Variants in VPS35 observed in about 807,000 individuals in gnomAD.
VPS35 encodes vacuolar protein sorting-associated protein 35.
A neutral mutation model predicts 98.1 loss-of-function variants in VPS35; 21 were observed. The observed-to-expected ratio is 0.21, with a 90% confidence interval of 0.15 to 0.31. The LOEUF (loss-of-function observed/expected upper bound fraction) is 0.31. VPS35 is among the 10% of genes least tolerant of loss of function. The probability of loss-of-function intolerance (pLI) is 1.00; values close to 1 mark genes in which losing one functional copy is unlikely to be tolerated. For missense variants in VPS35, 554 were observed against 950.8 expected, an observed-to-expected ratio of 0.58 and a Z score of 5.49; for synonymous variants, 268 against 318.2, an observed-to-expected ratio of 0.84 and a Z score of 1.68.
At chr16:46,680,508 G>A (rs1462336317) in intron 5 of VPS35, among the ~76,000 whole-genome samples, 163 bp downstream of exon 5, 1 of 152,184 alleles carries the variant, frequency 6.6e-6, no homozygotes, top group African/African-American at 2.4e-5. Flanking sequence ...CACATATACT[G>A]AGGAGTTCTA....
At position 46,669,022 on chromosome 16, in the gene VPS35, C is replaced by T; in HGVS notation, c.1555G>A (p.Ala519Thr). The T allele has an allele frequency of 6.2e-7, 1 of 1,614,118 alleles. No individual in the cohort carries two copies. The highest frequency in any genetic ancestry group is 1.1e-5 in the South Asian group (1 of 91,090). The change falls in exon 13 of 17, where the codon GCT (alanine) becomes ACT (threonine). Residue 519 changes from alanine (A) to threonine (T), a missense_variant. Coordinates refer to ENST00000299138, the MANE Select transcript of VPS35 (RefSeq NM_018206.6). ...AAGCGAATCCGCTGATTTCCACCAG[C>T]TCCAAAATGTTTTCGTGCTGTGTTC... ...ILNTARKHFG[A>T]GGNQRIRFTL... is the part of the protein sequence containing the mutation.
chr16:46,681,968 A>G, intron 3 of VPS35, 111 bp downstream of exon 3: 1 of 790,546 alleles, frequency 1.3e-6, no homozygotes, highest in African/African-American at 1.7e-5. Flanking sequence ...TGTGACTCAG[A>G]TAACGAAGAA....
chr16:46,669,276 G>T, intron 12 of VPS35: 1 of 584,134 alleles, frequency 1.7e-6, no homozygotes, highest in Non-Finnish European at 3.0e-6. Context: ...GTTTCAGAGA[G>T]GTTGTATAAC....
intron 1 of VPS35, among the ~76,000 whole-genome samples, chr16:46,683,873 C>T (rs1966272651): frequency 6.6e-6 from 1 of 152,130 alleles, no homozygotes; most frequent in Non-Finnish European, 1.5e-5. Context: ...TACAAGCGCC[C>T]ATCACCACAC....
chr16:46,674,764 AG>A, intron 8 of VPS35, 104 bp from the exon 9 acceptor site: 1 of 1,102,462 alleles, frequency 9.1e-7, no homozygotes, highest in Non-Finnish European at 1.3e-6. Context: ...ATTTTGTATG[AG>A]CCCAAAAGGT....
chr16:46,669,039 G>T lies in VPS35; in HGVS notation c.1538C>A (p.Ala513Glu). ...TCCACCAGCTCCAAAATGTTTTCGT[G>T]CTGTGTTCAAAATCTGACCCAAAAG... is the stretch of plus-strand genomic sequence containing the variant. ...PDQQYLILNT[A>E]RKHFGAGGNQ... The change falls in exon 13 of 17, where the codon GCA becomes GAA. Residue 513 changes from alanine to glutamate, a missense_variant. Ala to Glu is a moderately radical substitution (Grantham distance 107). Around this residue, in one of 5 missense-constraint regions of VPS35, gnomAD observed 254 missense variants for 390.1 expected, o/e 0.65. Coordinates refer to ENST00000299138, the MANE Select transcript of VPS35 (RefSeq NM_018206.6). The T allele has an allele frequency of 1.2e-6, 2 of 1,614,080 alleles. No homozygotes were observed. Among genetic ancestry groups the T allele is most frequent in the Non-Finnish European group, 1.7e-6 (2 of 1,180,016 alleles).
rs1965860139 is a variant in VPS35, at chr16:46,658,304, T to G, written c.*2168A>C. 1 of 153,800 alleles carries G rather than the reference T, an allele frequency of 6.5e-6. No homozygotes were observed. The highest frequency in any genetic ancestry group is 6.5e-5 in the Admixed American group (1 of 15,278). 9.5% of individuals were successfully genotyped at this position (153,800 alleles called of 1,614,324 possible). A position where few individuals can be genotyped will look rare whatever the true frequency, so the allele number is the denominator to read the frequency against. On this transcript the variant is annotated 3_prime_UTR_variant, in exon 17 of 17. Transcript: ENST00000299138. Reference sequence around the variant, plus strand: ...TCCTGCACAAACCCTTACCATCTTCTGTAACTACAGGTCTGTCTTCACAGC... The same window carrying G: ...TCCTGCACAAACCCTTACCATCTTCGGTAACTACAGGTCTGTCTTCACAGC...
intron 2 of VPS35, 165 bp downstream of exon 2, chr16:46,683,343 G>C (rs1011914496): frequency 1.5e-6 from 1 of 685,796 alleles, no homozygotes; most frequent in African/African-American, 1.8e-5. Context: ...AGGGCTCTTT[G>C]TTGAAATTGC....
intron 1 of VPS35, chr16:46,688,794 T>C: frequency 1.5e-6 from 2 of 1,335,694 alleles, no homozygotes. Flanking sequence ...GACCTAGGAC[T>C]ACCGGTCCCC....
intron 14 of VPS35, among the ~76,000 whole-genome samples, chr16:46,662,738 C>A (rs1965931860): frequency 6.6e-6 from 1 of 152,132 alleles, no homozygotes; most frequent in Admixed American, 6.5e-5. Flanking sequence ...GAGTGCATTT[C>A]CCGAATTTTA....
At position 46,662,309 on chromosome 16, in the gene VPS35, G is replaced by A. The variant is rs1965925564; in HGVS notation, c.2001C>T (p.Gly667=). The change falls in exon 15 of 17, where the codon GGC becomes GGT. Residue 667 remains glycine, a synonymous_variant. Transcript: ENST00000299138. ...GATGTGCACAGGTGCTCACAGCTCGGCCCTGATCAGGTTTCTTTAGAAGTT... is the reference window on the plus strand; with the variant it reads ...GATGTGCACAGGTGCTCACAGCTCGACCCTGATCAGGTTTCTTTAGAAGTT... ...ASKLLKKPDQ[G]RAVSTCAHLF... 2 of 1,614,054 alleles carry A rather than the reference G, an allele frequency of 1.2e-6. No homozygotes were observed. The highest frequency in any genetic ancestry group is 1.7e-6 in the Non-Finnish European group (2 of 1,180,052).
chr16:46,663,034 C>G lies in VPS35; in HGVS notation c.1776G>C (p.Gly592=), dbSNP rs770819201. ...TCTCATGATTTTCAAAACCAATTTC[C>G]CCAGCAGCTAGTGCTCCTTGAAGAA... ...RLFLQGALAA[G]EIGFENHETV... is the part of the protein sequence containing the mutation. The change falls in exon 14 of 17, where the codon GGG becomes GGC. Residue 592 remains glycine (G), a synonymous_variant. Coordinates refer to ENST00000299138, the MANE Select transcript of VPS35 (RefSeq NM_018206.6). 2.5e-6 allele frequency: 4 copies of G among 1,614,164 alleles called. No individual in the cohort carries two copies. The East Asian group carries it at 8.9e-5, about 36-fold the overall frequency.
At chr16:46,672,945 C>T in intron 10 of VPS35, among the ~76,000 whole-genome samples, 1 of 152,122 alleles carries the variant, frequency 6.6e-6, no homozygotes, top group East Asian at 1.9e-4. Context: ...TAAGGAAAAG[C>T]AGGCTGACTG....
intron 1 of VPS35, among the ~76,000 whole-genome samples, chr16:46,684,833 T>C (rs1342276736): frequency 1.3e-5 from 2 of 152,208 alleles, no homozygotes; most frequent in African/African-American, 2.4e-5. Flanking sequence ...TTGTGGTATA[T>C]ACATACAATT....
chr16:46,664,464 T>C (rs191577926), intron 13 of VPS35, among the ~76,000 whole-genome samples: 286 of 152,126 alleles, frequency 1.9e-3, no homozygotes, highest in Non-Finnish European at 3.6e-3. Flanking sequence ...GACCTTATTT[T>C]CTTGAGAGTT....
chr16:46,662,203 T>G, intron 15 of VPS35, 40 bp downstream of exon 15: 1 of 1,613,936 alleles, frequency 6.2e-7, no homozygotes, highest in Non-Finnish European at 8.5e-7. Context: ...ATCCCTGTTA[T>G]GGATCCTGTC....
intron 3 of VPS35, chr16:46,681,722 G>C: frequency 3.5e-6 from 2 of 575,116 alleles, no homozygotes; most frequent in South Asian, 4.0e-5. Flanking sequence ...ATGGTTACCT[G>C]TCAGACTGCT....
At position 46,671,872 on chromosome 16, in the gene VPS35, G is replaced by A. The variant is rs759380069; in HGVS notation, c.1369-12C>T. On this transcript the variant is annotated splice_polypyrimidine_tract_variant and intron_variant, in intron 11 of 16. Coordinates refer to ENST00000299138, the MANE Select transcript of VPS35 (RefSeq NM_018206.6). ...ATTATGGAATCCACCTGTAACATGC[G>A]AGGCACAAGAAACCCACTGAGGTGA... is the stretch of plus-strand genomic sequence containing the variant. 1.9e-5 allele frequency: 31 copies of A among 1,611,766 alleles called. No homozygotes were observed. The highest frequency in any genetic ancestry group is 5.5e-5 in the South Asian group (5 of 90,944).
chr16:46,688,711 G>T, intron 1 of VPS35: 1 of 1,139,926 alleles, frequency 8.8e-7, no homozygotes, highest in Non-Finnish European at 1.1e-6. Context: ...AGGTAGAAAC[G>T]CAACATCTGG....
Sources: gnomAD v4.1 joint callset for allele counts (sites outside exome capture counted in the v4.1 genomes callset) on GRCh38, gnomAD v4.1.1 for gene constraint, gnomAD v4.1.1 regional missense constraint, MANE v1.5 for transcripts, NCBI Gene and HGNC (gene_info 2026-07-23, HGNC 2026-07-21) for gene names.